Variants in ZBTB7C observed in about 807,000 individuals in gnomAD.
ZBTB7C encodes the protein zinc finger and BTB domain-containing protein 7C.
ZBTB7C carries 8 observed loss-of-function variants against 25.7 expected under a neutral mutation model. The observed-to-expected ratio is 0.31, with a 90% CI of 0.18 to 0.56. The LOEUF (loss-of-function observed/expected upper bound fraction) is 0.56. Among genes scored for constraint, ZBTB7C ranks in the 20% least tolerant of loss-of-function variants. The pLI is 0.91. For missense variants in ZBTB7C, 824 were observed against 855.2 expected, an observed-to-expected ratio of 0.96 and a Z score of 0.46; for synonymous variants, 394 against 369.0, an observed-to-expected ratio of 1.07 and a Z score of -0.78.
At chr18:48,155,318 CTTTTTTTTTTTTTTT>C (rs578058729) in intron 3 of ZBTB7C, among the ~76,000 whole-genome samples, 2 of 78,006 alleles carry the variant, frequency 2.6e-5, no homozygotes, top group Non-Finnish European at 4.7e-5. Flanking sequence ...CTGTAATATT[CTTTTTTTTTTTTTTT>C]TTTTTTTTTT....
intron 3 of ZBTB7C, among the ~76,000 whole-genome samples, chr18:48,116,554 C>T (rs547994043): frequency 2.0e-4 from 31 of 152,262 alleles, no homozygotes; most frequent in African/African-American, 2.2e-4. Context: ...CTAAGCCAAT[C>T]GCACGGGGGT....
chr18:48,036,394 C>G (rs2035972083), intron 4 of ZBTB7C, among the ~76,000 whole-genome samples: 1 of 152,098 alleles, frequency 6.6e-6, no homozygotes. Flanking sequence ...TGGGAGCTGG[C>G]ATCTGGGAGG....
intron 2 of ZBTB7C, among the ~76,000 whole-genome samples, chr18:48,260,200 A>G (rs376608010): frequency 6.6e-5 from 10 of 152,298 alleles, no homozygotes; most frequent in African/African-American, 2.4e-4. Context: ...AACTTGTATT[A>G]ATCTCAAAAT....
chr18:48,226,239 C>T (rs1599140536), intron 2 of ZBTB7C, among the ~76,000 whole-genome samples: 1 of 152,220 alleles, frequency 6.6e-6, no homozygotes, highest in Non-Finnish European at 1.5e-5. Context: ...TATTACATAG[C>T]AATAGCTAAC....
intron 1 of ZBTB7C, among the ~76,000 whole-genome samples, chr18:48,342,583 A>G (rs191157068): frequency 1.6e-3 from 237 of 152,376 alleles, no homozygotes; most frequent in African/African-American, 5.0e-3. Context: ...AACCCTCGGC[A>G]GGAGGGACGG....
At chr18:48,328,683 C>A (rs965325752) in intron 2 of ZBTB7C, among the ~76,000 whole-genome samples, 9 of 152,128 alleles carry the variant, frequency 5.9e-5, no homozygotes, top group Admixed American at 2.0e-4. Flanking sequence ...GCTGGAACGC[C>A]TATCTCCTGA....
intron 2 of ZBTB7C, among the ~76,000 whole-genome samples, chr18:48,304,326 C>T (rs940834157): frequency 1.3e-5 from 2 of 152,222 alleles, no homozygotes; most frequent in African/African-American, 4.8e-5. Context: ...CACTTCAAGA[C>T]TGCCCCTAGG....
At chr18:48,326,641 TG>T (rs2046227589) in intron 2 of ZBTB7C, among the ~76,000 whole-genome samples, 1 of 151,866 alleles carries the variant, frequency 6.6e-6, no homozygotes, top group Admixed American at 6.6e-5. Flanking sequence ...TGTACTAATA[TG>T]GAGGTATTTC....
chr18:48,227,355 C>G (rs2043131160), intron 2 of ZBTB7C, among the ~76,000 whole-genome samples: 2 of 152,252 alleles, frequency 1.3e-5, no homozygotes, highest in South Asian at 4.1e-4. Flanking sequence ...ATTCTCGCTC[C>G]ATCCTTCTGG....
intron 2 of ZBTB7C, among the ~76,000 whole-genome samples, chr18:48,326,686 T>G (rs1217972249): frequency 1.3e-5 from 2 of 152,198 alleles, no homozygotes; most frequent in African/African-American, 4.8e-5. Context: ...AGAAAGCAAG[T>G]TGCAGTACAG....
intron 3 of ZBTB7C, chr18:48,041,458 GAA>G (rs2036237958): frequency 1.0e-6 from 1 of 985,454 alleles, no homozygotes; most frequent in Non-Finnish European, 1.2e-6. Flanking sequence ...ACTGCAGGAT[GAA>G]AAGCCTCATG....
At chr18:48,403,209 T>C (rs1300013009) in intron 1 of ZBTB7C, among the ~76,000 whole-genome samples, 3 of 152,182 alleles carry the variant, frequency 2.0e-5, no homozygotes, top group Non-Finnish European at 1.5e-5. Flanking sequence ...ACAGAGGTGG[T>C]AGCCAGTCAA....
chr18:48,200,937 C>A (rs1194766884), intron 2 of ZBTB7C, among the ~76,000 whole-genome samples: 6 of 152,200 alleles, frequency 3.9e-5, no homozygotes, highest in Non-Finnish European at 7.3e-5. Flanking sequence ...TCACGCCTGA[C>A]CCTGGTCAGG....
chr18:48,277,390 GAA>G, intron 2 of ZBTB7C, among the ~76,000 whole-genome samples: 1 of 151,684 alleles, frequency 6.6e-6, no homozygotes, highest in East Asian at 1.9e-4. Flanking sequence ...AAAAACACAT[GAA>G]AAAATGCTCA....
chr18:48,066,551 C>T (rs564935790), intron 3 of ZBTB7C, among the ~76,000 whole-genome samples: 17 of 152,100 alleles, frequency 1.1e-4, no homozygotes, highest in Non-Finnish European at 2.4e-4. Flanking sequence ...TAGATAACAA[C>T]GGGACCTGGA....
chr18:48,114,184 G>A (rs2039343961), intron 3 of ZBTB7C, among the ~76,000 whole-genome samples: 1 of 152,170 alleles, frequency 6.6e-6, no homozygotes, highest in South Asian at 2.1e-4. Flanking sequence ...ATGGATGGGT[G>A]GGAGAGTGAA....
At chr18:48,254,007 A>T (rs1461853797) in intron 2 of ZBTB7C, among the ~76,000 whole-genome samples, 1 of 152,222 alleles carries the variant, frequency 6.6e-6, no homozygotes, top group Non-Finnish European at 1.5e-5. Flanking sequence ...AGACCCCCAT[A>T]GAAGAAGTGA....
chr18:48,034,570 T>C (rs911192332), intron 4 of ZBTB7C, among the ~76,000 whole-genome samples: 4 of 152,142 alleles, frequency 2.6e-5, no homozygotes, highest in African/African-American at 9.7e-5. Flanking sequence ...TTCTGGTACC[T>C]GCTTTGATGA....
At position 48,115,863 on chromosome 18, in the gene ZBTB7C, A is replaced by G. The variant is rs57067124; in HGVS notation, c.-17+70071T>C. Among the ~76,000 whole-genome samples, 80 of 152,168 alleles carry G rather than the reference A, an allele frequency of 5.3e-4. 1 individual carries two copies. Among genetic ancestry groups the G allele is most frequent in the African/African-American group, 1.8e-3 (76 of 41,500 alleles). ...GGAAGAAGCCGAGGAATCTGCTCAC[A>G]TAATTCAGGATAGTGACAGCTCTGG... On this transcript the variant is annotated intron_variant, in intron 3 of 4. Transcript: ENST00000590800.
Sources: gnomAD v4.1 joint callset for allele counts (sites outside exome capture counted in the v4.1 genomes callset) on GRCh38, gnomAD v4.1.1 for gene constraint, MANE v1.5 for transcripts, NCBI Gene and HGNC (gene_info 2026-07-23, HGNC 2026-07-21) for gene names.